MACROD2: variants seen among roughly 807,000 people sequenced by gnomAD.
MACROD2 encodes the protein ADP-ribose glycohydrolase MACROD2.
In MACROD2, 36 loss-of-function variants were observed where a neutral mutation model predicts 70.4. That is an observed-to-expected ratio of 0.51 (90% CI 0.39 to 0.68). The LOEUF is 0.68. Among genes scored for constraint, MACROD2 ranks in the 30% least tolerant of loss-of-function variants. The probability of loss-of-function intolerance (pLI) is 0.00; values close to 1 mark genes in which losing one functional copy is unlikely to be tolerated. For missense variants in MACROD2, 496 were observed against 538.4 expected (o/e 0.92, Z 0.78); for synonymous variants, 172 against 178.8 (o/e 0.96, Z 0.30).
At chr20:15,689,304 CA>C (rs1214045687) in intron 8 of MACROD2, among the ~76,000 whole-genome samples, 247 of 127,514 alleles carry the variant, frequency 1.9e-3, no homozygotes, top group Middle Eastern at 4.7e-3. Context: ...GATTCCGTCT[CA>C]AAAAAAAAAA....
chr20:15,659,612 TA>T (rs1220685556), intron 8 of MACROD2, among the ~76,000 whole-genome samples: 10 of 152,124 alleles, frequency 6.6e-5, no homozygotes, highest in Admixed American at 6.5e-4. Flanking sequence ...TTTTTCACAT[TA>T]GGGGGTAAGA....
chr20:14,376,500 C>T (rs4814296), intron 3 of MACROD2, among the ~76,000 whole-genome samples: 48 of 152,076 alleles, frequency 3.2e-4, no homozygotes, highest in Non-Finnish European at 6.0e-4. Context: ...ATAATCCCAG[C>T]ACTTTGGGAG....
chr20:14,873,833 T>G (rs905929839), intron 5 of MACROD2, among the ~76,000 whole-genome samples: 8 of 152,106 alleles, frequency 5.3e-5, no homozygotes, highest in Admixed American at 5.2e-4. Context: ...CACTCCAGCC[T>G]GGGCACCAAG....
At chr20:15,758,786 T>C (rs1287775407) in intron 8 of MACROD2, among the ~76,000 whole-genome samples, 1 of 148,392 alleles carries the variant, frequency 6.7e-6, no homozygotes, top group Non-Finnish European at 1.5e-5. Flanking sequence ...TAAGTGATCC[T>C]CCTGTCTCGG....
chr20:15,447,272 G>A (rs1051819543), intron 7 of MACROD2, among the ~76,000 whole-genome samples: 16 of 152,266 alleles, frequency 1.1e-4, no homozygotes, highest in African/African-American at 3.9e-4. Context: ...TGCAAGCTAT[G>A]GCAGGGCAAC....
chr20:14,529,356 G>A (rs1216999183), intron 4 of MACROD2, among the ~76,000 whole-genome samples: 7 of 152,038 alleles, frequency 4.6e-5, no homozygotes, highest in Non-Finnish European at 7.4e-5. Flanking sequence ...TTTCTGCCCT[G>A]CCACACTTAG....
chr20:15,744,385 A>C (rs1011517517), intron 8 of MACROD2, among the ~76,000 whole-genome samples: 3 of 152,214 alleles, frequency 2.0e-5, no homozygotes, highest in Non-Finnish European at 4.4e-5. Flanking sequence ...GAAATAGTTA[A>C]GTTGCCTAGT....
intron 15 of MACROD2, among the ~76,000 whole-genome samples, chr20:16,033,785 A>T (rs2067185900): frequency 6.6e-6 from 1 of 151,608 alleles, no homozygotes; most frequent in Admixed American, 6.6e-5. Flanking sequence ...CCCTTTCACT[A>T]ATAGTGACAC....
At chr20:15,454,960 AC>A (rs1248374425) in intron 7 of MACROD2, among the ~76,000 whole-genome samples, 1 of 152,010 alleles carries the variant, frequency 6.6e-6, no homozygotes, top group African/African-American at 2.4e-5. Context: ...GTGTATATTA[AC>A]CCCTTTACTG....
intron 8 of MACROD2, among the ~76,000 whole-genome samples, chr20:15,824,262 T>A: frequency 6.6e-6 from 1 of 152,122 alleles, no homozygotes; most frequent in South Asian, 2.1e-4. Flanking sequence ...TCTCTCTGTG[T>A]GCGTGTGTGT....
Position 15,193,742 on chromosome 20 carries a change from C to T in MACROD2, c.419-36198C>T, listed in dbSNP as rs188315095. On this transcript the variant is annotated intron_variant, in intron 5 of 17. Coordinates refer to ENST00000684519, the MANE Select transcript of MACROD2 (RefSeq NM_001351661.2). The stretch of plus-strand genomic sequence containing the variant: ...CCTCATCCTCTCATTTCCCCAGCCC[C>T]GCTGTCACTCCTTCATTCTCCTACT... 1.7e-3 allele frequency among the ~76,000 whole-genome samples: 253 copies of T among 151,980 alleles called. 1 individual carries two copies. The highest frequency in any genetic ancestry group is 0.016 in the South Asian group (76 of 4,784).
chr20:14,552,854 G>A (rs1438622656), intron 4 of MACROD2, among the ~76,000 whole-genome samples: 1 of 152,192 alleles, frequency 6.6e-6, no homozygotes, highest in Non-Finnish European at 1.5e-5. Flanking sequence ...GGAGCTTGCA[G>A]GACTGAAAGT....
intron 4 of MACROD2, among the ~76,000 whole-genome samples, chr20:14,575,777 A>G (rs910536440): frequency 2.6e-5 from 4 of 152,174 alleles, no homozygotes; most frequent in Non-Finnish European, 5.9e-5. Flanking sequence ...TGAAGGATGT[A>G]TTAAATGTAA....
intron 5 of MACROD2, among the ~76,000 whole-genome samples, chr20:14,772,912 G>C (rs981015720): frequency 6.6e-6 from 1 of 152,026 alleles, no homozygotes; most frequent in Admixed American, 6.5e-5. Context: ...CATATAACAA[G>C]TCCAAAGGTA....
intron 2 of MACROD2, among the ~76,000 whole-genome samples, chr20:14,078,322 A>G: frequency 6.6e-6 from 1 of 152,188 alleles, no homozygotes; most frequent in East Asian, 1.9e-4. Flanking sequence ...CTATTGTTTC[A>G]TAGTTATCGA....
chr20:14,397,437 A>G (rs1408462046), intron 3 of MACROD2, among the ~76,000 whole-genome samples: 1 of 152,244 alleles, frequency 6.6e-6, no homozygotes, highest in Non-Finnish European at 1.5e-5. Context: ...TCTACTGTTC[A>G]AAAATAACAT....
rs191771836 is a variant in MACROD2 at position 15,686,120 on chromosome 20, T to C, written c.646-176625T>C. On this transcript the variant is annotated intron_variant, in intron 8 of 17. Coordinates refer to ENST00000684519, the MANE Select transcript of MACROD2 (RefSeq NM_001351661.2). ...AGTTGGCCCAAAGACAATGAGATGA[T>C]TGATGGACTTAAACTTTAACTCTGA... Among the ~76,000 whole-genome samples, 4 of 152,284 alleles carry C rather than the reference T, an allele frequency of 2.6e-5. No individual in the cohort carries two copies. The East Asian group carries it at 7.7e-4, about 29-fold the overall frequency.
At chr20:14,898,577 T>G (rs957992409) in intron 5 of MACROD2, among the ~76,000 whole-genome samples, 1 of 152,020 alleles carries the variant, frequency 6.6e-6, no homozygotes, top group African/African-American at 2.4e-5. Context: ...AATTACAAAA[T>G]TATGAAAATT....
intron 2 of MACROD2, among the ~76,000 whole-genome samples, chr20:14,021,365 C>A (rs1376006720): frequency 6.6e-6 from 1 of 152,114 alleles, no homozygotes; most frequent in Non-Finnish European, 1.5e-5. Flanking sequence ...TTGTATTGTC[C>A]CAGGGGTCTG....
Sources: allele counts gnomAD v4.1 joint callset (sites outside exome capture counted in the v4.1 genomes callset), GRCh38; gene constraint gnomAD v4.1.1; transcripts MANE v1.5; gene names NCBI Gene and HGNC (gene_info 2026-07-23, HGNC 2026-07-21).